Variants in TK2 observed in about 807,000 individuals in gnomAD.
TK2 encodes thymidine kinase 2, mitochondrial.
In TK2, 35 loss-of-function variants were observed where a neutral mutation model predicts 41.9. The ratio of observed to expected loss-of-function variants is 0.84; its 90% CI spans 0.64 to 1.11. The LOEUF (loss-of-function observed/expected upper bound fraction) is 1.11, where lower values mean the gene tolerates loss of function less well. Ranked by LOEUF, TK2 falls within the 50% of genes least tolerant of loss-of-function variation. The pLI, the probability that TK2 is intolerant of heterozygous loss-of-function variation, is 0.00. For missense variants in TK2, 320 were observed against 351.1 expected (o/e 0.91, Z 0.71); for synonymous variants, 128 against 129.1 (o/e 0.99, Z 0.06).
rs1297333833 is a variant in TK2, at chr16:66,510,424, TG to T, written c.*1543del. On this transcript the variant is annotated 3_prime_UTR_variant, in exon 10 of 10. Transcript: ENST00000544898. The stretch of plus-strand genomic sequence containing the variant: ...GGTGCTGCTAGACACAGCTCCCGCC[TG>T]GCTGCTGCCTCTCATCCTGCCAATG... 1 of 152,270 alleles carries T rather than the reference TG, an allele frequency of 6.6e-6. No individual in the cohort carries two copies. The highest frequency in any genetic ancestry group is 1.5e-5 in the Non-Finnish European group (1 of 68,078). 9.4% of individuals were successfully genotyped at this position (152,270 alleles called of 1,614,324 possible). A position where few individuals can be genotyped will look rare whatever the true frequency, so the allele number is the denominator to read the frequency against.
At chr16:66,546,762 T>G (rs1402825135) in intron 2 of TK2, 2 of 152,102 alleles carry the variant, frequency 1.3e-5, no homozygotes, top group African/African-American at 4.8e-5. Context: ...GATTTTTTTT[T>G]TTTTTTTGAG....
intron 1 of TK2, 157 bp from the exon 2 acceptor site, chr16:66,549,166 C>T (rs1231832081): frequency 6.7e-7 from 1 of 1,496,152 alleles, no homozygotes; most frequent in Non-Finnish European, 8.9e-7. Flanking sequence ...GAGGCGCGCA[C>T]CACCGTCTCG....
intron 9 of TK2, among the ~76,000 whole-genome samples, chr16:66,512,520 G>T (rs148280617): frequency 6.6e-6 from 1 of 152,104 alleles, no homozygotes; most frequent in Non-Finnish European, 1.5e-5. Flanking sequence ...AGTGGCTCAC[G>T]CCTGTGATCC....
chr16:66,512,062 A>G lies in TK2; in HGVS notation c.704T>C (p.Ile235Thr), dbSNP rs1315779439. Residue 235 changes from isoleucine to threonine, a missense_variant, in exon 10 of 10, where the codon ATT becomes ACT. Physicochemically the swap from Ile to Thr is moderately conservative, Grantham distance 89 (BLOSUM62 -1). Transcript: ENST00000544898. ...LFPMAAPVLVIEADHHMERML... is the reference protein window; with the variant it reads ...LFPMAAPVLVTEADHHMERML... ...CCTCTCCATGTGGTGGTCAGCCTCA[A>G]TCACCTGGAAATTAGACACATGGGT... is the stretch of plus-strand genomic sequence containing the variant. 2 of 1,614,020 alleles carry G rather than the reference A, an allele frequency of 1.2e-6. No homozygotes were observed. Among genetic ancestry groups the G allele is most frequent in the Non-Finnish European group, 1.7e-6 (2 of 1,180,002 alleles).
At chr16:66,549,785 G>A (rs1965728531) in intron 1 of TK2, 153 bp downstream of exon 1, 10 of 1,285,120 alleles carry the variant, frequency 7.8e-6, no homozygotes, top group Non-Finnish European at 8.8e-6. Flanking sequence ...CCGGGTAACG[G>A]CCGATGGCCG....
At chr16:66,519,089 G>A (rs1357075343) in intron 6 of TK2, among the ~76,000 whole-genome samples, 1 of 151,852 alleles carries the variant, frequency 6.6e-6, no homozygotes, top group Non-Finnish European at 1.5e-5. Flanking sequence ...AGCCTCCCGA[G>A]TAGCTGGGAC....
intron 1 of TK2, chr16:66,549,528 G>C (rs2144494837): frequency 9.6e-7 from 1 of 1,042,538 alleles, no homozygotes; most frequent in Non-Finnish European, 1.2e-6. Flanking sequence ...CACTCCCAGG[G>C]AGGGCAGGAG....
intron 6 of TK2, among the ~76,000 whole-genome samples, chr16:66,523,931 C>T (rs922753426): frequency 2.0e-5 from 3 of 152,164 alleles, no homozygotes; most frequent in South Asian, 4.1e-4. Context: ...TGGAGTTGTC[C>T]GGAGAGTGGC....
intron 1 of TK2, chr16:66,549,551 G>A (rs183486067): frequency 2.0e-5 from 21 of 1,056,768 alleles, no homozygotes; most frequent in Middle Eastern, 4.4e-4. Context: ...CGCCGGGGGC[G>A]TAACCCCCCT....
intron 6 of TK2, among the ~76,000 whole-genome samples, chr16:66,525,206 G>T (rs1964896304): frequency 6.6e-6 from 1 of 152,128 alleles, no homozygotes; most frequent in Non-Finnish European, 1.5e-5. Flanking sequence ...CCCTGGGAAG[G>T]TGTTTTGAAT....
chr16:66,546,892 C>T (rs1318567239), intron 2 of TK2, among the ~76,000 whole-genome samples: 2 of 152,018 alleles, frequency 1.3e-5, no homozygotes, highest in African/African-American at 4.8e-5. Context: ...GCTAGGACTA[C>T]TGGTGCATGC....
At chr16:66,547,850 AT>A (rs1175810099) in intron 2 of TK2, 1 of 1,206,838 alleles carries the variant, frequency 8.3e-7, no homozygotes, top group African/African-American at 1.6e-5. Context: ...ACCACTTTCT[AT>A]GAACTAGCTA....
At chr16:66,525,279 G>C (rs1429203027) in intron 6 of TK2, among the ~76,000 whole-genome samples, 1 of 152,194 alleles carries the variant, frequency 6.6e-6, no homozygotes, top group Non-Finnish European at 1.5e-5. Flanking sequence ...GGCTGAGGGA[G>C]TGGGAACTCC....
chr16:66,549,595 G>C lies in TK2; in HGVS notation c.124+343C>G, dbSNP rs1965719940. 1.9e-5 allele frequency: 21 copies of C among 1,111,770 alleles called. No homozygotes were observed. In the South Asian group the frequency reaches 7.1e-4, roughly 38 times the overall value. The allele number at this position is 1,111,770 out of a possible 1,614,324, so 68.9% of individuals were successfully genotyped here. On this transcript the variant is annotated intron_variant, in intron 1 of 9. Coordinates refer to ENST00000544898, the MANE Select transcript of TK2 (RefSeq NM_004614.5). The stretch of plus-strand genomic sequence containing the variant: ...CTGGCACCAGAGTGTGAGCAGAATC[G>C]GCTTAAGGCAGCTCCCAGTCCCCAT...
rs1362733958 is a variant in TK2, at chr16:66,509,334, T to A, written c.*2634A>T. On this transcript the variant is annotated 3_prime_UTR_variant, in exon 10 of 10. Coordinates refer to ENST00000544898, the MANE Select transcript of TK2 (RefSeq NM_004614.5). The stretch of plus-strand genomic sequence containing the variant: ...AGGTGGGAAGAGCCTGGGACCCCGA[T>A]GGCCACTAAGCCACCACAAAGCCCT... The A allele has an allele frequency of 6.6e-6, 1 of 152,174 alleles. No homozygotes were observed. The highest frequency in any genetic ancestry group is 1.5e-5 in the Non-Finnish European group (1 of 68,094). 9.4% of individuals were successfully genotyped at this position (152,174 alleles called of 1,614,324 possible).
In TK2 at chr16:66,511,745, C is replaced by CG; in HGVS notation, c.*222dup. The CG allele has an allele frequency of 3.3e-6, 2 of 603,538 alleles. No homozygotes were observed. Among genetic ancestry groups the CG allele is most frequent in the Non-Finnish European group, 6.0e-6 (2 of 335,738 alleles). 37.4% of individuals were successfully genotyped at this position (603,538 alleles called of 1,614,324 possible). On this transcript the variant is annotated 3_prime_UTR_variant, in exon 10 of 10. Coordinates refer to ENST00000544898, the MANE Select transcript of TK2 (RefSeq NM_004614.5). ...GAGGCACCGGGGGAATGTGAGGCTG[C>CG]GAACAGCAAAGGGCTTGGCAAACCC...
chr16:66,549,538 G>A, intron 1 of TK2: 1 of 1,048,020 alleles, frequency 9.5e-7, no homozygotes, highest in Non-Finnish European at 1.1e-6. Flanking sequence ...GAGGGCAGGA[G>A]AGCGCCGGGG....
intron 2 of TK2, among the ~76,000 whole-genome samples, chr16:66,546,979 C>A (rs900324302): frequency 6.6e-6 from 1 of 152,128 alleles, no homozygotes; most frequent in Non-Finnish European, 1.5e-5. Context: ...TCTCAGACTC[C>A]TGAGCTCAAG....
chr16:66,542,721 A>G (rs1965493993), intron 2 of TK2, among the ~76,000 whole-genome samples: 2 of 152,168 alleles, frequency 1.3e-5, no homozygotes, highest in South Asian at 4.1e-4. Flanking sequence ...TCCTAGAAGT[A>G]ACTCATCTTA....
Sources: allele counts gnomAD v4.1 joint callset (sites outside exome capture counted in the v4.1 genomes callset), GRCh38; gene constraint gnomAD v4.1.1; transcripts MANE v1.5; gene names NCBI Gene and HGNC (gene_info 2026-07-23, HGNC 2026-07-21).